The following VWA8 variants were observed in gnomAD, a reference collection of about 807,000 sequenced individuals.
VWA8 encodes the protein von Willebrand factor A domain containing 8, also known as von Willebrand factor A domain-containing protein 8.
In VWA8, 221 loss-of-function variants were observed where a neutral mutation model predicts 241.5. The observed-to-expected ratio is 0.91, with a 90% CI of 0.82 to 1.02. The LOEUF (loss-of-function observed/expected upper bound fraction) is 1.02, where lower values mean the gene tolerates loss of function less well. Ranked by LOEUF, VWA8 falls within the 50% of genes least tolerant of loss-of-function variation. The pLI is 0.00. For missense variants in VWA8, 2,322 were observed against 2,328.7 expected, an observed-to-expected ratio of 1.00 and a Z score of 0.06; for synonymous variants, 852 against 827.1, an observed-to-expected ratio of 1.03 and a Z score of -0.52.
chr13:41,764,053 C>G (rs2045761901), intron 20 of VWA8, among the ~76,000 whole-genome samples: 2 of 152,270 alleles, frequency 1.3e-5, no homozygotes, highest in South Asian at 4.1e-4. Flanking sequence ...TTCGATATCC[C>G]CTATTCTTAA....
chr13:41,820,618 T>C (rs1049197232), intron 14 of VWA8, among the ~76,000 whole-genome samples: 2 of 152,182 alleles, frequency 1.3e-5, no homozygotes, highest in African/African-American at 4.8e-5. Flanking sequence ...AAAAGACTTA[T>C]TTGCAGGTGT....
chr13:41,687,651 T>C (rs768635865), intron 34 of VWA8, among the ~76,000 whole-genome samples: 2 of 152,120 alleles, frequency 1.3e-5, no homozygotes, highest in African/African-American at 2.4e-5. Flanking sequence ...TAAAACCTCA[T>C]AGAATTGTTG....
chr13:41,772,581 C>A (rs1432261461), intron 20 of VWA8, among the ~76,000 whole-genome samples: 1 of 152,100 alleles, frequency 6.6e-6, no homozygotes, highest in African/African-American at 2.4e-5. Context: ...CAGCATTATA[C>A]CCTAAGTGAC....
intron 2 of VWA8, among the ~76,000 whole-genome samples, chr13:41,917,656 G>A (rs745361242): frequency 7.9e-5 from 12 of 152,162 alleles, no homozygotes; most frequent in Non-Finnish European, 1.6e-4. Flanking sequence ...TGGACACCAG[G>A]CTGTATAGTG....
chr13:41,657,482 CTTT>C (rs35182691), intron 37 of VWA8, among the ~76,000 whole-genome samples: 8 of 136,108 alleles, frequency 5.9e-5, no homozygotes, highest in Middle Eastern at 3.5e-3. Context: ...AAAAGTTATT[CTTT>C]TTTTTTTTTT....
intron 14 of VWA8, among the ~76,000 whole-genome samples, chr13:41,825,665 A>C (rs1871144767): frequency 6.6e-6 from 1 of 152,140 alleles, no homozygotes; most frequent in Non-Finnish European, 1.5e-5. Flanking sequence ...CTCTCTCAAA[A>C]TCTTCCACAA....
At chr13:41,662,243 T>C (rs938528796) in intron 37 of VWA8, among the ~76,000 whole-genome samples, 1 of 152,146 alleles carries the variant, frequency 6.6e-6, no homozygotes, top group Non-Finnish European at 1.5e-5. Flanking sequence ...CTGACATCAT[T>C]ATTAGGTTGA....
At chr13:41,861,002 T>C (rs1003266873) in intron 12 of VWA8, among the ~76,000 whole-genome samples, 5 of 151,798 alleles carry the variant, frequency 3.3e-5, no homozygotes, top group African/African-American at 1.2e-4. Flanking sequence ...ATAAATAATA[T>C]AATAGCAAAT....
intron 2 of VWA8, among the ~76,000 whole-genome samples, chr13:41,934,773 C>T (rs981339863): frequency 1.3e-5 from 2 of 151,892 alleles, no homozygotes; most frequent in Non-Finnish European, 2.9e-5. Context: ...TACAAAGAGG[C>T]ACAAGTAAGC....
chr13:41,813,881 CA>C lies in VWA8; in HGVS notation c.1948-2542del, dbSNP rs1301090018. Among the ~76,000 whole-genome samples, 21 of 149,154 alleles carry C rather than the reference CA, an allele frequency of 1.4e-4. No individual in the cohort carries two copies. The South Asian group carries it at 2.8e-3, about 20-fold the overall frequency. ...AATTTCTAACTGCAGTTTTATCTTG[CA>C]AAAAAAAAGGGGGGCGGTGAAGATA... On this transcript the variant is annotated intron_variant, in intron 16 of 44. Coordinates refer to ENST00000379310, the MANE Select transcript of VWA8 (RefSeq NM_015058.2).
intron 2 of VWA8, among the ~76,000 whole-genome samples, chr13:41,923,552 C>G (rs1158533975): frequency 1.3e-5 from 2 of 151,998 alleles, no homozygotes; most frequent in Non-Finnish European, 2.9e-5. Flanking sequence ...TTTTGTAAGA[C>G]CCCGGGCCTA....
At chr13:41,611,168 A>G (rs2044585384) in intron 39 of VWA8, among the ~76,000 whole-genome samples, 1 of 152,126 alleles carries the variant, frequency 6.6e-6, no homozygotes, top group African/African-American at 2.4e-5. Context: ...CTTTCTCTGC[A>G]CTGCTGGAGG....
At chr13:41,700,728 C>A (rs1054452535) in intron 28 of VWA8, among the ~76,000 whole-genome samples, 4 of 152,090 alleles carry the variant, frequency 2.6e-5, no homozygotes, top group African/African-American at 9.7e-5. Flanking sequence ...TTTAAAATAG[C>A]AGATTTGTGG....
chr13:41,822,867 A>T (rs1871020239), intron 14 of VWA8, among the ~76,000 whole-genome samples: 1 of 152,100 alleles, frequency 6.6e-6, no homozygotes, highest in African/African-American at 2.4e-5. Context: ...AGCACACACT[A>T]TGTGATTCCA....
intron 21 of VWA8, among the ~76,000 whole-genome samples, chr13:41,736,877 T>C (rs1249875359): frequency 2.7e-5 from 4 of 149,060 alleles, no homozygotes; most frequent in African/African-American, 9.9e-5. Flanking sequence ...AGAGTCTCGC[T>C]TTGTCACCTA....
At chr13:41,873,670 G>T (rs924139989) in intron 9 of VWA8, among the ~76,000 whole-genome samples, 10 of 152,068 alleles carry the variant, frequency 6.6e-5, no homozygotes, top group African/African-American at 2.2e-4. Flanking sequence ...AATAACAGGA[G>T]CTGAAATTGT....
intron 13 of VWA8, among the ~76,000 whole-genome samples, chr13:41,831,038 T>G (rs1871430152): frequency 6.6e-6 from 1 of 152,152 alleles, no homozygotes; most frequent in South Asian, 2.1e-4. Context: ...ATAAAAATAT[T>G]TCTATCTTTG....
At chr13:41,841,192 T>C (rs531425280) in intron 12 of VWA8, among the ~76,000 whole-genome samples, 70 of 152,172 alleles carry the variant, frequency 4.6e-4, no homozygotes, top group Non-Finnish European at 7.8e-4. Flanking sequence ...AAGAGCTGGA[T>C]TGGATTAATG....
rs1431404727 is a variant in VWA8, at chr13:41,887,248, G to A, written c.765C>T (p.Pro255=). ...VPRYSGNPLD[P]PLRSRFQARD... is the part of the protein sequence containing the mutation. Reference sequence around the variant, plus strand: ...TGGCTTGAAATCGAGAACGAAGAGGGGGGTCTAATGGATTCCCAGAATACC... The same window carrying A: ...TGGCTTGAAATCGAGAACGAAGAGGAGGGTCTAATGGATTCCCAGAATACC... Residue 255 remains proline (P), a synonymous_variant, in exon 6 of 45, where the codon CCC becomes CCT. Coordinates refer to ENST00000379310, the MANE Select transcript of VWA8 (RefSeq NM_015058.2). 1.2e-6 allele frequency: 2 copies of A among 1,613,354 alleles called. No homozygotes were observed. The highest frequency in any genetic ancestry group is 1.7e-6 in the Non-Finnish European group (2 of 1,179,732).
Sources: gnomAD v4.1 joint callset for allele counts (sites outside exome capture counted in the v4.1 genomes callset) on GRCh38, gnomAD v4.1.1 for gene constraint, MANE v1.5 for transcripts, NCBI Gene and HGNC (gene_info 2026-07-23, HGNC 2026-07-21) for gene names.